The following NDFIP2 variants were observed in gnomAD, a reference collection of about 807,000 sequenced individuals.
NDFIP2 encodes the protein Nedd4 family interacting protein 2, also known as NEDD4 family-interacting protein 2.
Under a neutral mutation model 36.0 loss-of-function variants are expected in NDFIP2, and 19 were observed. The ratio of observed to expected loss-of-function variants is 0.53; its 90% CI spans 0.37 to 0.77. NDFIP2 has a LOEUF of 0.77. NDFIP2 is among the 30% of genes least tolerant of loss of function. NDFIP2 has a pLI of 0.00. For synonymous variants in NDFIP2, 181 were observed against 167.7 expected (o/e 1.08, Z -0.61); for missense variants, 446 against 435.8 (o/e 1.02, Z -0.21).
intron 2 of NDFIP2, among the ~76,000 whole-genome samples, chr13:79,521,429 T>C (rs1013563760): frequency 1.3e-5 from 2 of 152,236 alleles, no homozygotes; most frequent in African/African-American, 4.8e-5. Context: ...CAGTGTGATT[T>C]AGTATACTAT....
intron 1 of NDFIP2, among the ~76,000 whole-genome samples, chr13:79,520,336 C>A (rs764111453): frequency 1.3e-5 from 2 of 152,116 alleles, no homozygotes; most frequent in Non-Finnish European, 2.9e-5. Flanking sequence ...TCTACTGTTA[C>A]AATTGCATAC....
chr13:79,526,834 A>G (rs779550256), intron 2 of NDFIP2, among the ~76,000 whole-genome samples: 6 of 152,214 alleles, frequency 3.9e-5, no homozygotes, highest in African/African-American at 1.2e-4. Context: ...TATATAGCTC[A>G]TCTGATTTTC....
intron 1 of NDFIP2, among the ~76,000 whole-genome samples, chr13:79,497,544 T>C (rs921654356): frequency 1.3e-5 from 2 of 151,906 alleles, no homozygotes; most frequent in Non-Finnish European, 2.9e-5. Flanking sequence ...TGTTTTTTTA[T>C]TTTTTTAAAT....
rs1329636300 is a variant in NDFIP2 at position 79,488,146 on chromosome 13, A to G, written c.321+6622A>G. On this transcript the variant is annotated intron_variant, in intron 1 of 7. Coordinates refer to ENST00000218652, the MANE Select transcript of NDFIP2 (RefSeq NM_019080.3). ...AAATAGATCTTTGTATGTTGAAAAA[A>G]CTAATTGAGGAAATGTACACTCAAA... Among the ~76,000 whole-genome samples the G allele has an allele frequency of 3.3e-5, 5 of 152,178 alleles. No homozygotes were observed. The South Asian group carries it at 8.3e-4, about 25-fold the overall frequency.
chr13:79,484,211 C>T (rs532613128), intron 1 of NDFIP2, among the ~76,000 whole-genome samples: 58 of 152,024 alleles, frequency 3.8e-4, no homozygotes, highest in African/African-American at 1.4e-3. Context: ...GATGGGGTTT[C>T]AGCATGTTGG....
Position 79,481,237 on chromosome 13 carries a change from A to G in NDFIP2, c.34A>G (p.Ser12Gly). 1 of 1,523,738 alleles carries G rather than the reference A, an allele frequency of 6.6e-7. No homozygotes were observed. The highest frequency in any genetic ancestry group is 8.8e-7 in the Non-Finnish European group (1 of 1,140,910). 94.4% of individuals were successfully genotyped at this position (1,523,738 alleles called of 1,614,324 possible). A position where few individuals can be genotyped will look rare whatever the true frequency, so the allele number is the denominator to read the frequency against. Residue 12 changes from serine to glycine, a missense_variant, in exon 1 of 8, where the codon AGC becomes GGC. Physicochemically the swap from Ser to Gly is moderately conservative, Grantham distance 56. This residue lies in a region of NDFIP2 where 369 missense variants were observed against 304.8 expected (regional missense o/e 1.21). Transcript: ENST00000218652. ...ARRRSQRVCA[S>G]GPSMLNSARG... ...CCGGCGGAGCCAGCGAGTCTGCGCG[A>G]GCGGTCCGAGCATGCTCAATAGCGC...
chr13:79,527,567 C>T (rs1390028077), intron 2 of NDFIP2, among the ~76,000 whole-genome samples: 2 of 152,042 alleles, frequency 1.3e-5, no homozygotes, highest in African/African-American at 2.4e-5. Context: ...TGGTAGCTGT[C>T]GTAAGGTTGC....
At chr13:79,501,412 G>A (rs920070026) in intron 1 of NDFIP2, among the ~76,000 whole-genome samples, 4 of 151,896 alleles carry the variant, frequency 2.6e-5, no homozygotes, top group Non-Finnish European at 5.9e-5. Flanking sequence ...TGGGGAAGGG[G>A]GTGTATGGGA....
intron 1 of NDFIP2, among the ~76,000 whole-genome samples, chr13:79,503,574 T>C (rs540342767): frequency 1.3e-5 from 2 of 152,224 alleles, no homozygotes; most frequent in South Asian, 4.1e-4. Context: ...ATGAATGTAA[T>C]GTTTTTGGGA....
rs1238898829 is a variant in NDFIP2, at chr13:79,548,535, TA to T, written c.907+144del. 6 of 687,622 alleles carry T rather than the reference TA, an allele frequency of 8.7e-6. No individual in the cohort carries two copies. The African/African-American group carries it at 1.1e-4, about 12-fold the overall frequency. 42.6% of individuals were successfully genotyped at this position (687,622 alleles called of 1,614,324 possible). ...ATTCAAACACATCATCTCACGTTTT[TA>T]AACTATTCTATATAGCACTACAGAT... On this transcript the variant is annotated intron_variant, in intron 6 of 7. Transcript: ENST00000218652.
intron 1 of NDFIP2, among the ~76,000 whole-genome samples, chr13:79,503,434 A>G (rs375469928): frequency 5.6e-4 from 85 of 152,302 alleles, no homozygotes; most frequent in East Asian, 2.3e-3. Context: ...TTTGCATTTT[A>G]TAGTCCAGAC....
Position 79,554,674 on chromosome 13 carries a change from A to T in NDFIP2, c.*2161A>T, listed in dbSNP as rs757272667. 6 of 151,838 alleles carry T rather than the reference A, an allele frequency of 4.0e-5. No individual in the cohort carries two copies. The highest frequency in any genetic ancestry group is 7.4e-5 in the Non-Finnish European group (5 of 67,822). The allele number at this position is 151,838 out of a possible 1,614,324, so 9.4% of individuals were successfully genotyped here. On this transcript the variant is annotated 3_prime_UTR_variant, in exon 8 of 8. Transcript: ENST00000218652. ...TTCAAGAACTTAATGTTCCCTTCAG[A>T]TATATAAAATCCTGCATACTTCATT...
intron 1 of NDFIP2, among the ~76,000 whole-genome samples, chr13:79,490,039 A>C (rs1873165489): frequency 6.6e-6 from 1 of 152,172 alleles, no homozygotes; most frequent in Non-Finnish European, 1.5e-5. Context: ...ATGTCAGGAC[A>C]TGCTCATTAC....
intron 4 of NDFIP2, among the ~76,000 whole-genome samples, chr13:79,541,065 T>C (rs1477325676): frequency 6.6e-6 from 1 of 152,128 alleles, no homozygotes. Flanking sequence ...TTCTCACAGT[T>C]TGTTTACAAA....
chr13:79,532,560 T>C (rs1170894004), intron 2 of NDFIP2, among the ~76,000 whole-genome samples: 1 of 152,182 alleles, frequency 6.6e-6, no homozygotes, highest in African/African-American at 2.4e-5. Context: ...AATGTATTTC[T>C]GGAGATTATA....
intron 6 of NDFIP2, 84 bp downstream of exon 6, chr13:79,548,478 T>A (rs1252382488): frequency 9.4e-7 from 1 of 1,067,906 alleles, no homozygotes. Flanking sequence ...GCAATTTATG[T>A]GGAAATTATT....
At chr13:79,497,386 C>T (rs983410738) in intron 1 of NDFIP2, among the ~76,000 whole-genome samples, 10 of 151,956 alleles carry the variant, frequency 6.6e-5, no homozygotes, top group African/African-American at 2.4e-4. Flanking sequence ...TCCTATGCCT[C>T]TGTTCCTCTC....
Position 79,512,186 on chromosome 13 carries a change from C to A in NDFIP2, c.322-8624C>A, listed in dbSNP as rs1483990846. ...ACTTAATTTGATTAAGGCAACAAAA[C>A]CTTTGATTACCAGTTACCATTATCA... On this transcript the variant is annotated intron_variant, in intron 1 of 7. Transcript: ENST00000218652. Among the ~76,000 whole-genome samples, 4 of 152,086 alleles carry A rather than the reference C, an allele frequency of 2.6e-5. No individual in the cohort carries two copies. In the East Asian group the frequency reaches 7.7e-4, roughly 29 times the overall value.
intron 2 of NDFIP2, among the ~76,000 whole-genome samples, chr13:79,526,421 G>A (rs1302836356): frequency 6.6e-6 from 1 of 152,172 alleles, no homozygotes; most frequent in Non-Finnish European, 1.5e-5. Flanking sequence ...TGTATAGTTG[G>A]TAGTTGAATT....
Sources: gnomAD v4.1 joint callset for allele counts (sites outside exome capture counted in the v4.1 genomes callset) on GRCh38, gnomAD v4.1.1 for gene constraint, gnomAD v4.1.1 regional missense constraint, MANE v1.5 for transcripts, NCBI Gene and HGNC (gene_info 2026-07-23, HGNC 2026-07-21) for gene names.